EGFLAM: variants seen among roughly 807,000 people sequenced by gnomAD.
The protein encoded by EGFLAM is pikachurin.
Under a neutral mutation model 113.1 loss-of-function variants are expected in EGFLAM, and 79 were observed. The observed-to-expected ratio is 0.70, with a 90% CI of 0.58 to 0.84. The LOEUF is 0.84. Ranked by LOEUF, EGFLAM falls within the 40% of genes least tolerant of loss-of-function variation. The pLI is 0.00. For synonymous variants in EGFLAM, 504 were observed against 487.6 expected, an observed-to-expected ratio of 1.03 and a Z score of -0.44; for missense variants, 1,265 against 1,291.6, an observed-to-expected ratio of 0.98 and a Z score of 0.32.
At chr5:38,260,415 C>T (rs1305573205) in intron 1 of EGFLAM, among the ~76,000 whole-genome samples, 1 of 152,094 alleles carries the variant, frequency 6.6e-6, no homozygotes, top group Non-Finnish European at 1.5e-5. Flanking sequence ...TTATAAAAAC[C>T]TGTTGTATAA....
intron 1 of EGFLAM, among the ~76,000 whole-genome samples, chr5:38,321,267 C>T (rs1415596927): frequency 1.3e-5 from 2 of 152,088 alleles, no homozygotes; most frequent in South Asian, 2.1e-4. Flanking sequence ...CAATAGGGTT[C>T]GTGCTCCTAT....
intron 15 of EGFLAM, among the ~76,000 whole-genome samples, chr5:38,432,236 A>G (rs6860483): frequency 0.052 from 7,980 of 152,162 alleles, 693 homozygotes; most frequent in African/African-American, 0.18. Context: ...TTAATAAGCA[A>G]ATAGACTAGT....
At chr5:38,385,290 CG>C (rs1740631719) in intron 6 of EGFLAM, among the ~76,000 whole-genome samples, 21 of 116,130 alleles carry the variant, frequency 1.8e-4, no homozygotes, top group Non-Finnish European at 2.2e-4. Context: ...CCCCCCCCCC[CG>C]CCCCCGCCAC....
intron 5 of EGFLAM, among the ~76,000 whole-genome samples, chr5:38,353,260 A>G (rs1421927484): frequency 1.3e-5 from 2 of 152,256 alleles, no homozygotes; most frequent in East Asian, 1.9e-4. Context: ...AAAGGTCAAC[A>G]AAAAGAATTC....
At chr5:38,359,666 C>T (rs150668961) in intron 5 of EGFLAM, among the ~76,000 whole-genome samples, 21 of 152,296 alleles carry the variant, frequency 1.4e-4, no homozygotes, top group Admixed American at 1.4e-3. Context: ...CAGAGTGAGA[C>T]TCTCTCAAAC....
At chr5:38,263,104 A>T (rs943312363) in intron 1 of EGFLAM, among the ~76,000 whole-genome samples, 6 of 151,902 alleles carry the variant, frequency 3.9e-5, no homozygotes, top group Non-Finnish European at 7.3e-5. Flanking sequence ...CATTTAAAAA[A>T]TTTATTTATT....
intron 6 of EGFLAM, chr5:38,401,202 C>T (rs888027827): frequency 6.6e-6 from 1 of 152,094 alleles, no homozygotes; most frequent in African/African-American, 2.4e-5. Flanking sequence ...TGAGGAGTTC[C>T]CTTCAAGAAA....
chr5:38,439,429 C>G (rs73075489), intron 17 of EGFLAM, among the ~76,000 whole-genome samples: 1,847 of 151,572 alleles, frequency 0.012, 42 homozygotes, highest in African/African-American at 0.043. Context: ...AAGCAATGAG[C>G]CTCTGAAGGA....
intron 14 of EGFLAM, among the ~76,000 whole-genome samples, chr5:38,429,726 A>G (rs988453247): frequency 3.9e-5 from 6 of 152,240 alleles, no homozygotes; most frequent in African/African-American, 1.4e-4. Flanking sequence ...TCAAACATAT[A>G]GAAAAATTGG....
chr5:38,382,670 T>G (rs1740541372), intron 6 of EGFLAM, among the ~76,000 whole-genome samples: 1 of 152,212 alleles, frequency 6.6e-6, no homozygotes, highest in Non-Finnish European at 1.5e-5. Context: ...CACATAATAT[T>G]CATATATACC....
chr5:38,384,824 C>A (rs1277583520), intron 6 of EGFLAM, among the ~76,000 whole-genome samples: 1 of 151,900 alleles, frequency 6.6e-6, no homozygotes, highest in Non-Finnish European at 1.5e-5. Flanking sequence ...TTTGGGGGCA[C>A]AATAGAGTGG....
chr5:38,386,607 A>G (rs1183557007), intron 6 of EGFLAM, among the ~76,000 whole-genome samples: 1 of 152,072 alleles, frequency 6.6e-6, no homozygotes, highest in East Asian at 1.9e-4. Context: ...CCTGGGCTCA[A>G]GTGATTGTCC....
intron 1 of EGFLAM, among the ~76,000 whole-genome samples, chr5:38,310,674 A>G (rs1263215899): frequency 6.6e-6 from 1 of 152,144 alleles, no homozygotes; most frequent in African/African-American, 2.4e-5. Context: ...TATTAAGGCC[A>G]TTATCCATAT....
intron 20 of EGFLAM, among the ~76,000 whole-genome samples, chr5:38,459,266 A>G (rs1743195044): frequency 6.6e-6 from 1 of 151,462 alleles, no homozygotes. Flanking sequence ...TGGCCTCCCA[A>G]AGTGTTGGGA....
intron 1 of EGFLAM, among the ~76,000 whole-genome samples, chr5:38,332,505 G>A (rs910445526): frequency 3.3e-5 from 5 of 152,098 alleles, no homozygotes; most frequent in East Asian, 1.9e-4. Flanking sequence ...ACCCAGCAGC[G>A]CTAGATGAAT....
In EGFLAM at chr5:38,398,669, G is replaced by A. The variant is rs114983018; in HGVS notation, c.713-7457G>A. ...AGAAGAGCCAGCACAGCTGGAGCAC[G>A]GTGAGAAGGAATACATTGGTGAGAG... is the stretch of plus-strand genomic sequence containing the variant. On this transcript the variant is annotated intron_variant, in intron 6 of 21. Transcript: ENST00000322350. 3.7e-3 allele frequency among the ~76,000 whole-genome samples: 570 copies of A among 152,328 alleles called. 2 individuals are homozygous for A. Among genetic ancestry groups the A allele is most frequent in the African/African-American group, 0.013 (536 of 41,578 alleles).
rs549236911 is a variant in EGFLAM, at chr5:38,419,110, C to T, written c.1684+855C>T. 3.3e-5 allele frequency among the ~76,000 whole-genome samples: 5 copies of T among 152,290 alleles called. No individual in the cohort carries two copies. The South Asian group carries it at 1.0e-3, about 32-fold the overall frequency. On this transcript the variant is annotated intron_variant, in intron 12 of 21. Transcript: ENST00000322350. The stretch of plus-strand genomic sequence containing the variant: ...TCGTGGGATCTTTCCTCCATGTGTG[C>T]ACACCCCTGGTATGTCTGTATGTCC...
chr5:38,293,971 TTTC>T (rs1474951147), intron 1 of EGFLAM, among the ~76,000 whole-genome samples: 2 of 152,226 alleles, frequency 1.3e-5, no homozygotes, highest in Non-Finnish European at 2.9e-5. Flanking sequence ...TTACTGTTTC[TTTC>T]TTTTTAAAAT....
intron 20 of EGFLAM, among the ~76,000 whole-genome samples, chr5:38,462,094 G>A (rs1200525299): frequency 1.3e-5 from 2 of 152,060 alleles, no homozygotes; most frequent in South Asian, 2.1e-4. Context: ...CGTGAACCCC[G>A]GGGGGCGGAG....
Sources: allele counts gnomAD v4.1 joint callset (sites outside exome capture counted in the v4.1 genomes callset), GRCh38; gene constraint gnomAD v4.1.1; transcripts MANE v1.5; gene names NCBI Gene and HGNC (gene_info 2026-07-23, HGNC 2026-07-21).